The following RXFP2 variants were observed in gnomAD, a reference collection of about 807,000 sequenced individuals.
The protein encoded by RXFP2 is relaxin family peptide receptor 2.
Under a neutral mutation model 88.6 loss-of-function variants are expected in RXFP2, and 68 were observed. The ratio of observed to expected loss-of-function variants is 0.77; its 90% CI spans 0.63 to 0.94. The LOEUF (loss-of-function observed/expected upper bound fraction) is 0.94. Among genes scored for constraint, RXFP2 ranks in the 40% least tolerant of loss-of-function variants. The pLI is 0.00. For synonymous variants in RXFP2, 329 were observed against 306.8 expected (o/e 1.07, Z -0.76); for missense variants, 791 against 893.9 (o/e 0.88, Z 1.47).
chr13:31,766,284 T>C (rs948884349), intron 5 of RXFP2, among the ~76,000 whole-genome samples: 1 of 151,728 alleles, frequency 6.6e-6, no homozygotes, highest in African/African-American at 2.4e-5. Context: ...AATAGGAAAA[T>C]ACACAGTTCC....
chr13:31,760,275 G>A (rs1484369353), intron 2 of RXFP2, among the ~76,000 whole-genome samples: 1 of 152,090 alleles, frequency 6.6e-6, no homozygotes, highest in Non-Finnish European at 1.5e-5. Context: ...ATTTTTAATA[G>A]AGACGGGGTT....
At position 31,791,862 on chromosome 13, in the gene RXFP2, C is replaced by T. The variant is rs1240976960; in HGVS notation, c.1202C>T (p.Pro401Leu). Residue 401 changes from proline to leucine, a missense_variant, in exon 15 of 18, where the codon CCC (proline) becomes CTC (leucine). Physicochemically the swap from Pro to Leu is moderately conservative, Grantham distance 98. Transcript: ENST00000298386. The stretch of plus-strand genomic sequence containing the variant: ...GCTCCCCATGTCCGAATATGTATGC[C>T]CTTGACGGACGGCATTTCTTCATTT... Reference protein sequence around the residue: ...SYAPHVRICMPLTDGISSFED... With the variant: ...SYAPHVRICMLLTDGISSFED... The T allele has an allele frequency of 1.2e-6, 2 of 1,613,918 alleles. No individual in the cohort carries two copies. Among genetic ancestry groups the T allele is most frequent in the Non-Finnish European group, 1.7e-6 (2 of 1,180,008 alleles).
intron 2 of RXFP2, among the ~76,000 whole-genome samples, chr13:31,761,352 T>C (rs1872292583): frequency 6.6e-6 from 1 of 152,238 alleles, no homozygotes; most frequent in African/African-American, 2.4e-5. Flanking sequence ...TGTTTCTACA[T>C]ATACAGCAGT....
intron 3 of RXFP2, among the ~76,000 whole-genome samples, chr13:31,763,900 A>C (rs1400469735): frequency 6.6e-6 from 1 of 152,206 alleles, no homozygotes; most frequent in Non-Finnish European, 1.5e-5. Flanking sequence ...ATTAACATAT[A>C]TGTATAGACA....
chr13:31,786,197 G>GT (rs1185697846), intron 11 of RXFP2, among the ~76,000 whole-genome samples, 186 bp from the exon 12 acceptor site: 3 of 152,178 alleles, frequency 2.0e-5, no homozygotes, highest in Non-Finnish European at 4.4e-5. Flanking sequence ...AGTGTTACAT[G>GT]TAAGTGTTGG....
intron 1 of RXFP2, among the ~76,000 whole-genome samples, chr13:31,743,556 T>C (rs1434997951): frequency 6.6e-6 from 1 of 152,164 alleles, no homozygotes; most frequent in Non-Finnish European, 1.5e-5. Context: ...TTCAATGTGA[T>C]TGATAAAGTT....
chr13:31,799,265 G>C (rs1874212987), intron 17 of RXFP2, among the ~76,000 whole-genome samples: 1 of 151,218 alleles, frequency 6.6e-6, no homozygotes, highest in Non-Finnish European at 1.5e-5. Flanking sequence ...AGGCTGGAGT[G>C]CAGTGGTGTG....
At chr13:31,763,187 T>G (rs985933960) in intron 3 of RXFP2, among the ~76,000 whole-genome samples, 7 of 150,918 alleles carry the variant, frequency 4.6e-5, no homozygotes, top group Non-Finnish European at 8.8e-5. Flanking sequence ...CAGGCTCAAC[T>G]GATCCTTCCA....
Position 31,765,974 on chromosome 13 carries a change from A to G in RXFP2, c.444A>G (p.Lys148=). 6.5e-7 allele frequency: 1 copy of G among 1,544,260 alleles called. No individual in the cohort carries two copies. Among genetic ancestry groups the G allele is most frequent in the Non-Finnish European group, 8.9e-7 (1 of 1,119,474 alleles). ...NVTLLSLKKN[K]IHSLPDKVFI... ...ATTTTAGGTCTCTTAAGAAAAACAAAATCCACAGTCTTCCAGATAAAGTTT... is the reference window on the plus strand; with the variant it reads ...ATTTTAGGTCTCTTAAGAAAAACAAGATCCACAGTCTTCCAGATAAAGTTT... Residue 148 remains lysine, a synonymous_variant, in exon 5 of 18, where the codon AAA becomes AAG. Coordinates refer to ENST00000298386, the MANE Select transcript of RXFP2 (RefSeq NM_130806.5).
In RXFP2 at chr13:31,802,150, A is replaced by C; in HGVS notation, c.2010A>C (p.Thr670=). Residue 670 remains threonine (T), a synonymous_variant, in exon 18 of 18, where the codon ACA becomes ACC. Transcript: ENST00000298386. ...ACACTTTGCTTCCTTTTCCAGACAC[A>C]ATGACTTCCTGGATAGTGATTTTTT... is the stretch of plus-strand genomic sequence containing the variant. The part of the protein sequence containing the change: ...LSLFRVEIPD[T]MTSWIVIFFL... The C allele has an allele frequency of 6.2e-7, 1 of 1,614,082 alleles. No homozygotes were observed. The highest frequency in any genetic ancestry group is 1.3e-5 in the African/African-American group (1 of 75,042).
intron 7 of RXFP2, among the ~76,000 whole-genome samples, chr13:31,776,236 T>G (rs187709982): frequency 6.9e-5 from 10 of 145,352 alleles, no homozygotes; most frequent in African/African-American, 2.0e-4. Flanking sequence ...CTTCCTTTTT[T>G]CCTTCCCTCT....
chr13:31,767,155 A>T (rs938542590), intron 5 of RXFP2, among the ~76,000 whole-genome samples: 3 of 152,214 alleles, frequency 2.0e-5, no homozygotes, highest in Non-Finnish European at 2.9e-5. Context: ...ACCATCAAGG[A>T]TTTTGTGTTC....
At chr13:31,747,076 C>T (rs1871457347) in intron 1 of RXFP2, among the ~76,000 whole-genome samples, 2 of 152,136 alleles carry the variant, frequency 1.3e-5, no homozygotes, top group African/African-American at 2.4e-5. Context: ...ACTGTAATAA[C>T]TAAAGTTAAA....
intron 16 of RXFP2, among the ~76,000 whole-genome samples, chr13:31,796,035 ATTC>A (rs1874020210): frequency 4.3e-5 from 4 of 93,684 alleles, no homozygotes; most frequent in Non-Finnish European, 8.9e-5. Flanking sequence ...TCTATGTGTT[ATTC>A]TTTTTTTTTT....
At chr13:31,767,478 A>G (rs1362305453) in intron 5 of RXFP2, among the ~76,000 whole-genome samples, 1 of 152,306 alleles carries the variant, frequency 6.6e-6, no homozygotes, top group Non-Finnish European at 1.5e-5. Context: ...ATGAATCAAT[A>G]TTGTCTTTGT....
chr13:31,789,362 T>TA (rs1241246649), intron 14 of RXFP2, among the ~76,000 whole-genome samples, 169 bp downstream of exon 14: 5 of 152,216 alleles, frequency 3.3e-5, no homozygotes, highest in African/African-American at 7.2e-5. Context: ...AGTTCAATAT[T>TA]ATGATGTGCC....
intron 7 of RXFP2, among the ~76,000 whole-genome samples, chr13:31,776,878 C>G (rs746356656): frequency 3.3e-5 from 5 of 152,108 alleles, no homozygotes; most frequent in Non-Finnish European, 7.4e-5. Context: ...ACTCTTTCAC[C>G]CAGAAAGCTC....
chr13:31,796,372 T>C (rs1874047482), intron 16 of RXFP2, among the ~76,000 whole-genome samples: 1 of 152,010 alleles, frequency 6.6e-6, no homozygotes, highest in Non-Finnish European at 1.5e-5. Flanking sequence ...ATTATATTCA[T>C]GATAAATTCC....
intron 1 of RXFP2, among the ~76,000 whole-genome samples, chr13:31,757,271 T>C (rs1157814460): frequency 6.6e-6 from 1 of 152,210 alleles, no homozygotes; most frequent in Non-Finnish European, 1.5e-5. Flanking sequence ...GGTGGGCCTA[T>C]GGGGTCAGAG....
Sources: gnomAD v4.1 joint callset for allele counts (sites outside exome capture counted in the v4.1 genomes callset) on GRCh38, gnomAD v4.1.1 for gene constraint, MANE v1.5 for transcripts, NCBI Gene and HGNC (gene_info 2026-07-23, HGNC 2026-07-21) for gene names.